NXPH1: variants seen among roughly 807,000 people sequenced by gnomAD.
NXPH1 encodes the protein neurexophilin-1.
Under a neutral mutation model 23.7 loss-of-function variants are expected in NXPH1, and 5 were observed. The ratio of observed to expected loss-of-function variants is 0.21; its 90% CI spans 0.11 to 0.44. The LOEUF (loss-of-function observed/expected upper bound fraction) is 0.44. NXPH1 is among the 20% of genes least tolerant of loss of function. The pLI, the probability that NXPH1 is intolerant of heterozygous loss-of-function variation, is 0.99. For missense variants in NXPH1, 324 were observed against 321.6 expected, an observed-to-expected ratio of 1.01 and a Z score of -0.06; for synonymous variants, 144 against 122.2, an observed-to-expected ratio of 1.18 and a Z score of -1.18.
At chr7:8,656,488 C>T (rs1392380825) in intron 2 of NXPH1, among the ~76,000 whole-genome samples, 1 of 148,602 alleles carries the variant, frequency 6.7e-6, no homozygotes, top group Non-Finnish European at 1.5e-5. Flanking sequence ...TCGGATAACT[C>T]ACAAACTGTA....
rs376976106 is a variant in NXPH1, at chr7:8,690,777, C to T, written c.55-60231C>T. On this transcript the variant is annotated intron_variant, in intron 2 of 2. Coordinates refer to ENST00000405863, the MANE Select transcript of NXPH1 (RefSeq NM_152745.3). The stretch of plus-strand genomic sequence containing the variant: ...TGTCTGCTTATCAGTGTTCCATTTT[C>T]ATATTGACGCATTTACTGCCTCGTT... 6.6e-4 allele frequency among the ~76,000 whole-genome samples: 100 copies of T among 152,288 alleles called. 1 individual carries two copies. The East Asian group carries it at 0.017, about 26-fold the overall frequency.
chr7:8,505,452 A>G (rs1368879972), intron 2 of NXPH1, among the ~76,000 whole-genome samples: 1 of 152,022 alleles, frequency 6.6e-6, no homozygotes, highest in Non-Finnish European at 1.5e-5. Flanking sequence ...GAGAATACCT[A>G]TGCCTAGAAA....
At chr7:8,700,324 T>A (rs1031558730) in intron 2 of NXPH1, among the ~76,000 whole-genome samples, 1 of 152,158 alleles carries the variant, frequency 6.6e-6, no homozygotes, top group Admixed American at 6.5e-5. Flanking sequence ...GAAATTCCTT[T>A]TCTAAAATTA....
At chr7:8,479,552 T>C (rs1488672389) in intron 2 of NXPH1, among the ~76,000 whole-genome samples, 1 of 152,132 alleles carries the variant, frequency 6.6e-6, no homozygotes. Context: ...TTAGGAAAAG[T>C]GAGCAACTTA....
chr7:8,645,760 A>G (rs1820389206), intron 2 of NXPH1, among the ~76,000 whole-genome samples: 1 of 152,104 alleles, frequency 6.6e-6, no homozygotes, highest in Admixed American at 6.6e-5. Flanking sequence ...GTTTTGGAGT[A>G]CATTACGATG....
At chr7:8,685,409 A>G (rs928355515) in intron 2 of NXPH1, among the ~76,000 whole-genome samples, 1 of 151,336 alleles carries the variant, frequency 6.6e-6, no homozygotes, top group Non-Finnish European at 1.5e-5. Context: ...CTCTAGTTCC[A>G]TCCATGTTGT....
chr7:8,452,911 G>C (rs1466019316), intron 2 of NXPH1, among the ~76,000 whole-genome samples: 1 of 152,090 alleles, frequency 6.6e-6, no homozygotes, highest in Non-Finnish European at 1.5e-5. Context: ...CATCAATGCA[G>C]ATTGCTACTT....
At chr7:8,504,727 G>A (rs1272321476) in intron 2 of NXPH1, among the ~76,000 whole-genome samples, 1 of 152,028 alleles carries the variant, frequency 6.6e-6, no homozygotes, top group Non-Finnish European at 1.5e-5. Flanking sequence ...ATTGATTCAT[G>A]AGGATAGGGT....
At chr7:8,578,187 G>A (rs947783574) in intron 2 of NXPH1, among the ~76,000 whole-genome samples, 3 of 152,094 alleles carry the variant, frequency 2.0e-5, no homozygotes, top group Non-Finnish European at 4.4e-5. Flanking sequence ...AACGGAGGAG[G>A]GTAGCATGGA....
intron 2 of NXPH1, among the ~76,000 whole-genome samples, chr7:8,610,322 A>T (rs1033287770): frequency 3.3e-5 from 5 of 152,146 alleles, no homozygotes; most frequent in Non-Finnish European, 7.4e-5. Flanking sequence ...ATTTGCACTG[A>T]ATTAGCTAGG....
Position 8,535,601 on chromosome 7 carries a change from G to A in NXPH1, c.54+99834G>A, listed in dbSNP as rs1019252884. On this transcript the variant is annotated intron_variant, in intron 2 of 2. Coordinates refer to ENST00000405863, the MANE Select transcript of NXPH1 (RefSeq NM_152745.3). ...AGACCCTGCTGTCATGGTGGTCAGA[G>A]TCTAGTAAGGGAAGAAAGATAGAAA... Among the ~76,000 whole-genome samples the A allele has an allele frequency of 3.3e-5, 5 of 151,962 alleles. No homozygotes were observed. In the South Asian group the frequency reaches 6.2e-4, roughly 19 times the overall value.
At chr7:8,539,728 A>T (rs965670036) in intron 2 of NXPH1, among the ~76,000 whole-genome samples, 2 of 151,846 alleles carry the variant, frequency 1.3e-5, no homozygotes, top group Non-Finnish European at 2.9e-5. Flanking sequence ...TACCAGACAC[A>T]TGTCCACAAA....
At chr7:8,519,845 C>T (rs1175828257) in intron 2 of NXPH1, among the ~76,000 whole-genome samples, 8 of 152,006 alleles carry the variant, frequency 5.3e-5, no homozygotes, top group African/African-American at 1.9e-4. Context: ...CACATGTATA[C>T]ATACAAATAC....
chr7:8,596,269 G>A (rs1288470620), intron 2 of NXPH1, among the ~76,000 whole-genome samples: 2 of 152,138 alleles, frequency 1.3e-5, no homozygotes, highest in African/African-American at 4.8e-5. Context: ...TTCTGTTCAG[G>A]AACAGAATGA....
chr7:8,439,979 T>C (rs575307924), intron 2 of NXPH1, among the ~76,000 whole-genome samples: 2 of 152,310 alleles, frequency 1.3e-5, no homozygotes, highest in Non-Finnish European at 2.9e-5. Flanking sequence ...TAAAATAAAT[T>C]TCCTGACAGT....
intron 2 of NXPH1, among the ~76,000 whole-genome samples, chr7:8,685,251 T>TG (rs1821129268): frequency 6.6e-6 from 1 of 152,020 alleles, no homozygotes; most frequent in South Asian, 2.1e-4. Flanking sequence ...AAATGAGTTT[T>TG]TTTTTTTTTT....
chr7:8,608,439 C>A (rs1819548203), intron 2 of NXPH1, among the ~76,000 whole-genome samples: 1 of 151,932 alleles, frequency 6.6e-6, no homozygotes, highest in Admixed American at 6.6e-5. Context: ...GCAAGCCTCC[C>A]ACCTCAGTAG....
At chr7:8,534,041 C>T (rs916095716) in intron 2 of NXPH1, among the ~76,000 whole-genome samples, 1 of 151,922 alleles carries the variant, frequency 6.6e-6, no homozygotes, top group Non-Finnish European at 1.5e-5. Context: ...TTCCATGATG[C>T]CAAAACTTAT....
At chr7:8,514,554 A>T (rs1246066929) in intron 2 of NXPH1, among the ~76,000 whole-genome samples, 1 of 152,134 alleles carries the variant, frequency 6.6e-6, no homozygotes, top group Non-Finnish European at 1.5e-5. Flanking sequence ...AGGATGGTAG[A>T]TAAAACTTCA....
Sources: allele counts gnomAD v4.1 joint callset (sites outside exome capture counted in the v4.1 genomes callset), GRCh38; gene constraint gnomAD v4.1.1; transcripts MANE v1.5; gene names NCBI Gene and HGNC (gene_info 2026-07-23, HGNC 2026-07-21).